The following CTIF variants were observed in gnomAD, a reference collection of about 807,000 sequenced individuals.
CTIF encodes CBP80/20-dependent translation initiation factor.
In CTIF, 21 loss-of-function variants were observed where a neutral mutation model predicts 66.0. That is an observed-to-expected ratio of 0.32 (90% CI 0.23 to 0.46). The LOEUF (loss-of-function observed/expected upper bound fraction) is 0.46, where lower values mean the gene tolerates loss of function less well. Ranked by LOEUF, CTIF falls within the 20% of genes least tolerant of loss-of-function variation. CTIF has a pLI of 1.00. For missense variants in CTIF, 739 were observed against 812.7 expected (o/e 0.91, Z 1.10); for synonymous variants, 345 against 326.4 (o/e 1.06, Z -0.62).
intron 7 of CTIF, among the ~76,000 whole-genome samples, chr18:48,745,260 G>C (rs1256310836): frequency 6.6e-6 from 1 of 152,222 alleles, no homozygotes; most frequent in Non-Finnish European, 1.5e-5. Context: ...TATAGGCACT[G>C]TAGTGATGTG....
At chr18:48,681,876 C>G (rs2091749558) in intron 6 of CTIF, among the ~76,000 whole-genome samples, 1 of 152,148 alleles carries the variant, frequency 6.6e-6, no homozygotes, top group Non-Finnish European at 1.5e-5. Flanking sequence ...ACCTCCGCCT[C>G]CCAGGTTCAA....
chr18:48,847,064 C>T (rs1253302612), intron 10 of CTIF, among the ~76,000 whole-genome samples: 2 of 152,090 alleles, frequency 1.3e-5, no homozygotes, highest in African/African-American at 4.8e-5. Flanking sequence ...AATACCAGCA[C>T]TTTGGGAGGC....
chr18:48,735,570 G>A (rs2145702190), intron 7 of CTIF, among the ~76,000 whole-genome samples: 1 of 152,266 alleles, frequency 6.6e-6, no homozygotes, highest in Middle Eastern at 3.4e-3. Context: ...AAGACTGGAA[G>A]CTAAAAGGGG....
intron 6 of CTIF, among the ~76,000 whole-genome samples, chr18:48,696,996 A>G (rs575096894): frequency 3.3e-5 from 5 of 152,282 alleles, no homozygotes; most frequent in East Asian, 1.9e-4. Context: ...AGAGCTAGCA[A>G]TCACTAAGCA....
chr18:48,709,057 C>T (rs1289746490), intron 6 of CTIF, among the ~76,000 whole-genome samples: 1 of 152,208 alleles, frequency 6.6e-6, no homozygotes, highest in Non-Finnish European at 1.5e-5. Flanking sequence ...ATCCTATGTT[C>T]TTTACATGTT....
chr18:48,682,804 G>A (rs913172126), intron 6 of CTIF, among the ~76,000 whole-genome samples: 11 of 152,224 alleles, frequency 7.2e-5, no homozygotes, highest in African/African-American at 1.2e-4. Context: ...CCTGGGTCCC[G>A]ACAGCCCTGG....
chr18:48,771,824 C>T lies in CTIF; in HGVS notation c.1371+10135C>T, dbSNP rs929963316. 5.3e-5 allele frequency among the ~76,000 whole-genome samples: 8 copies of T among 152,344 alleles called. No homozygotes were observed. In the East Asian group the frequency reaches 7.7e-4, roughly 15 times the overall value. ...CTGTGAGCGGCCGGCCCCCAGCCGC[C>T]GCGGGGAATCTGAGCTATGCTAAGC... is the stretch of plus-strand genomic sequence containing the variant. On this transcript the variant is annotated intron_variant, in intron 9 of 11. Coordinates refer to ENST00000256413, the MANE Select transcript of CTIF (RefSeq NM_014772.3).
At chr18:48,829,345 C>T (rs1419925405) in intron 10 of CTIF, among the ~76,000 whole-genome samples, 1 of 152,092 alleles carries the variant, frequency 6.6e-6, no homozygotes, top group Non-Finnish European at 1.5e-5. Flanking sequence ...GGGGGACTTT[C>T]TGAGTGCAGG....
intron 6 of CTIF, among the ~76,000 whole-genome samples, chr18:48,690,066 C>T (rs142985388): frequency 1.1e-3 from 174 of 152,284 alleles, no homozygotes; most frequent in African/African-American, 3.6e-3. Context: ...TTATTTTCTC[C>T]CTGTCCTATA....
At chr18:48,738,139 C>G (rs554290245) in intron 7 of CTIF, among the ~76,000 whole-genome samples, 1 of 152,322 alleles carries the variant, frequency 6.6e-6, no homozygotes, top group East Asian at 1.9e-4. Flanking sequence ...TGCAGACATT[C>G]TTGACTCCAG....
intron 1 of CTIF, among the ~76,000 whole-genome samples, chr18:48,556,081 C>A (rs540790310): frequency 1.3e-5 from 2 of 152,284 alleles, no homozygotes; most frequent in African/African-American, 4.8e-5. Context: ...ATTGAGCCTG[C>A]AGTTTTAACT....
intron 6 of CTIF, 53 bp from the exon 7 acceptor site, chr18:48,711,566 T>C: frequency 1.4e-6 from 2 of 1,440,740 alleles, no homozygotes; most frequent in Admixed American, 3.4e-5. Context: ...CAGAGGTGCT[T>C]TGCTCTCTTT....
In CTIF at chr18:48,671,979, T is replaced by C. The variant is rs1476957164; in HGVS notation, c.507+1235T>C. ...TCTCGAAGGTCATTGTGGGCTTTTT[T>C]AATAAGCCACTGTGTCCAGCTAGAA... On this transcript the variant is annotated intron_variant, in intron 6 of 11. Transcript: ENST00000256413. Among the ~76,000 whole-genome samples, 2 of 5,880 alleles carry C rather than the reference T, an allele frequency of 3.4e-4. 1 individual carries two copies. The highest frequency in any genetic ancestry group is 1.0e-3 in the Non-Finnish European group (2 of 1,964). The allele number at this position is 5,880 out of a possible 152,430, so 3.9% of individuals were successfully genotyped here.
At chr18:48,834,743 G>A (rs1441016489) in intron 10 of CTIF, 1 of 152,710 alleles carries the variant, frequency 6.5e-6, no homozygotes, top group Non-Finnish European at 1.5e-5. Flanking sequence ...ATGCAGAGCT[G>A]GGTGGTTTTC....
intron 2 of CTIF, among the ~76,000 whole-genome samples, chr18:48,623,898 T>G (rs1473587338): frequency 6.6e-6 from 1 of 152,046 alleles, no homozygotes; most frequent in African/African-American, 2.4e-5. Flanking sequence ...GATGGATGGA[T>G]AGACAGACAG....
intron 4 of CTIF, 26 bp from the exon 5 acceptor site, chr18:48,664,421 G>A (rs373311764): frequency 1.6e-5 from 26 of 1,599,546 alleles, no homozygotes; most frequent in South Asian, 2.2e-5. Context: ...TCTTGCCTCC[G>A]TTTCTCACCC....
chr18:48,626,125 C>A lies in CTIF; in HGVS notation c.180+6380C>A, dbSNP rs987517396. On this transcript the variant is annotated intron_variant, in intron 2 of 11. Transcript: ENST00000256413. Reference sequence around the variant, plus strand: ...TTCAAGCAACTCTCCTGTCAGCCTCCCGAGTAGCTGGGACTACAGGCACAT... The same window carrying A: ...TTCAAGCAACTCTCCTGTCAGCCTCACGAGTAGCTGGGACTACAGGCACAT... Among the ~76,000 whole-genome samples the A allele has an allele frequency of 3.3e-5, 5 of 151,398 alleles. No homozygotes were observed. The East Asian group carries it at 9.7e-4, about 30-fold the overall frequency.
intron 1 of CTIF, among the ~76,000 whole-genome samples, chr18:48,609,680 A>G (rs1299897264): frequency 6.6e-6 from 1 of 152,168 alleles, no homozygotes; most frequent in Non-Finnish European, 1.5e-5. Flanking sequence ...GGCAGTGAGG[A>G]AGCCACCTGA....
chr18:48,753,951 C>A (rs904011789), intron 7 of CTIF, among the ~76,000 whole-genome samples: 1 of 152,134 alleles, frequency 6.6e-6, no homozygotes, highest in Non-Finnish European at 1.5e-5. Flanking sequence ...CGAAACCCAG[C>A]GCCAGCAAAT....
Sources: allele counts gnomAD v4.1 joint callset (sites outside exome capture counted in the v4.1 genomes callset), GRCh38; gene constraint gnomAD v4.1.1; transcripts MANE v1.5; gene names NCBI Gene and HGNC (gene_info 2026-07-23, HGNC 2026-07-21).